Variants in DCAF5 observed in about 807,000 individuals in gnomAD.
DCAF5 encodes DDB1 and CUL4 associated factor 5, also known as DDB1- and CUL4-associated factor 5.
A neutral mutation model predicts 80.7 loss-of-function variants in DCAF5; 9 were observed. That is an observed-to-expected ratio of 0.11 (90% CI 0.07 to 0.19). DCAF5 has a LOEUF of 0.19. Ranked by LOEUF, DCAF5 falls within the 10% of genes least tolerant of loss-of-function variation. The pLI is 1.00. For synonymous variants in DCAF5, 433 were observed against 461.9 expected, an observed-to-expected ratio of 0.94 and a Z score of 0.80; for missense variants, 842 against 1,205.7, an observed-to-expected ratio of 0.70 and a Z score of 4.47.
Position 69,051,281 on chromosome 14 carries a change from A to G in DCAF5, c.*2576T>C, listed in dbSNP as rs17106714. On this transcript the variant is annotated 3_prime_UTR_variant, in exon 9 of 9. Transcript: ENST00000341516. ...ATCTGTCCTGCTATTAAAAATATCT[A>G]TTATGGAAGAAATTGGGTATTAAAT... is the stretch of plus-strand genomic sequence containing the variant. The G allele has an allele frequency of 0.051, 7,780 of 152,756 alleles. 297 individuals are homozygous for G. Among genetic ancestry groups the G allele is most frequent in the Admixed American group, 0.11 (1,711 of 15,302 alleles). 9.5% of individuals were successfully genotyped at this position (152,756 alleles called of 1,614,324 possible).
At chr14:69,119,273 G>C in intron 2 of DCAF5, 43 bp from the exon 3 acceptor site, 1 of 1,603,850 alleles carries the variant, frequency 6.2e-7, no homozygotes, top group African/African-American at 1.3e-5. Context: ...CGTGCAAGGT[G>C]GTCCCTGTCC....
At chr14:69,102,768 G>A (rs1595001598) in intron 5 of DCAF5, among the ~76,000 whole-genome samples, 1 of 151,922 alleles carries the variant, frequency 6.6e-6, no homozygotes. Flanking sequence ...CCTCCTGAAG[G>A]ACCTGCCTGA....
chr14:69,052,846 G>C lies in DCAF5; in HGVS notation c.*1011C>G, dbSNP rs2139813031. The C allele has an allele frequency of 6.6e-6, 1 of 152,354 alleles. No homozygotes were observed. The highest frequency in any genetic ancestry group is 1.9e-4 in the East Asian group (1 of 5,178). 9.4% of individuals were successfully genotyped at this position (152,354 alleles called of 1,614,324 possible). On this transcript the variant is annotated 3_prime_UTR_variant, in exon 9 of 9. Coordinates refer to ENST00000341516, the MANE Select transcript of DCAF5 (RefSeq NM_003861.3). ...CCACCAATTCTGACCAATGGTTCTG[G>C]GTTGAGTTAAATGAATATAGTACCA...
At chr14:69,113,697 G>T in intron 5 of DCAF5, among the ~76,000 whole-genome samples, 1 of 152,132 alleles carries the variant, frequency 6.6e-6, no homozygotes, top group Non-Finnish European at 1.5e-5. Flanking sequence ...AAAAAGGGTG[G>T]TCTCTTCCCC....
rs756266924 is a variant in DCAF5, at chr14:69,091,827, G to A, written c.726C>T (p.Asn242=). 5 of 1,614,140 alleles carry A rather than the reference G, an allele frequency of 3.1e-6. No homozygotes were observed. The Admixed American group carries it at 8.3e-5, about 27-fold the overall frequency. Residue 242 remains asparagine, a synonymous_variant, in exon 6 of 9, where the codon AAC becomes AAT. Transcript: ENST00000341516. ...SLQSAMSVRF[N]SNGTQLLALR... is the part of the protein sequence containing the mutation. ...GGGCCAGGAGCTGGGTCCCGTTGCT[G>A]TTGAATCGTACACTCATGGCACTTT... is the stretch of plus-strand genomic sequence containing the variant.
intron 1 of DCAF5, among the ~76,000 whole-genome samples, chr14:69,147,138 C>G (rs2041563036): frequency 6.6e-6 from 1 of 152,168 alleles, no homozygotes; most frequent in Non-Finnish European, 1.5e-5. Flanking sequence ...TTAATAGGTT[C>G]AAATTAAGCA....
intron 2 of DCAF5, among the ~76,000 whole-genome samples, chr14:69,120,455 A>G (rs1339285915): frequency 6.6e-6 from 1 of 152,172 alleles, no homozygotes; most frequent in African/African-American, 2.4e-5. Flanking sequence ...AAATGATGTG[A>G]AAGTTTTAAT....
rs1329600159 is a variant in DCAF5 at position 69,100,233 on chromosome 14, C to A, written c.666-8346G>T. On this transcript the variant is annotated intron_variant, in intron 5 of 8. Coordinates refer to ENST00000341516, the MANE Select transcript of DCAF5 (RefSeq NM_003861.3). ...TCATTTTATTTTCCAAGTTTTTCTACAATGAATATAAACTTCTATAATCAG... is the reference window on the plus strand; with the variant it reads ...TCATTTTATTTTCCAAGTTTTTCTAAAATGAATATAAACTTCTATAATCAG... Among the ~76,000 whole-genome samples, 8 of 152,230 alleles carry A rather than the reference C, an allele frequency of 5.3e-5. No individual in the cohort carries two copies. The East Asian group carries it at 1.4e-3, about 26-fold the overall frequency.
intron 5 of DCAF5, among the ~76,000 whole-genome samples, chr14:69,109,338 C>CAAA (rs199758443): frequency 3.0e-5 from 3 of 100,066 alleles, no homozygotes. Context: ...AACTCTGCCT[C>CAAA]AAAAAAAAAA....
At chr14:69,056,960 G>C (rs888310173) in intron 8 of DCAF5, among the ~76,000 whole-genome samples, 1 of 152,140 alleles carries the variant, frequency 6.6e-6, no homozygotes, top group African/African-American at 2.4e-5. Flanking sequence ...CTCCTCTCCA[G>C]CTTCATAATC....
chr14:69,108,345 G>T (rs992696575), intron 5 of DCAF5, among the ~76,000 whole-genome samples: 2 of 152,178 alleles, frequency 1.3e-5, no homozygotes, highest in Non-Finnish European at 2.9e-5. Flanking sequence ...ACATGAACAC[G>T]TAAAGAAAAA....
chr14:69,137,838 AATATT>A (rs754290015), intron 1 of DCAF5, among the ~76,000 whole-genome samples: 1 of 151,826 alleles, frequency 6.6e-6, no homozygotes, highest in Non-Finnish European at 1.5e-5. Flanking sequence ...ATTACAGTAT[AATATT>A]ATAATTGTTC....
intron 5 of DCAF5, among the ~76,000 whole-genome samples, chr14:69,095,626 T>C (rs939861926): frequency 7.9e-5 from 12 of 152,152 alleles, no homozygotes; most frequent in Admixed American, 6.5e-4. Context: ...TTTAAAAAAG[T>C]ACTTAGCCAA....
chr14:69,084,212 G>A (rs1277552408), intron 6 of DCAF5: 12 of 994,036 alleles, frequency 1.2e-5, no homozygotes, highest in South Asian at 1.0e-4. Context: ...GAGTCACCAC[G>A]TGCATACCTA....
At chr14:69,078,935 T>C (rs1031016296) in intron 6 of DCAF5, among the ~76,000 whole-genome samples, 19 of 152,144 alleles carry the variant, frequency 1.2e-4, no homozygotes, top group Non-Finnish European at 2.4e-4. Flanking sequence ...CAATCTCGGC[T>C]CACTGCAACC....
At chr14:69,143,553 C>CTT (rs562355110) in intron 1 of DCAF5, among the ~76,000 whole-genome samples, 7,354 of 102,054 alleles carry the variant, frequency 0.072, 398 homozygotes, top group African/African-American at 0.084. Context: ...ATCTGTTAAA[C>CTT]TTTTTTTTTT....
chr14:69,144,347 C>A (rs1240832018), intron 1 of DCAF5, among the ~76,000 whole-genome samples: 1 of 151,886 alleles, frequency 6.6e-6, no homozygotes, highest in African/African-American at 2.4e-5. Context: ...CCGAGGTGGG[C>A]GGATCACAAG....
At chr14:69,108,221 T>C (rs185474208) in intron 5 of DCAF5, among the ~76,000 whole-genome samples, 17 of 152,296 alleles carry the variant, frequency 1.1e-4, no homozygotes, top group African/African-American at 4.1e-4. Context: ...TGTGCCAAAA[T>C]AGTGCCAGGT....
At chr14:69,132,158 A>G (rs1446023758) in intron 1 of DCAF5, among the ~76,000 whole-genome samples, 3 of 152,196 alleles carry the variant, frequency 2.0e-5, no homozygotes, top group Admixed American at 2.0e-4. Flanking sequence ...GTATATAACC[A>G]GAAGTGAAAT....
Sources: allele counts gnomAD v4.1 joint callset (sites outside exome capture counted in the v4.1 genomes callset), GRCh38; gene constraint gnomAD v4.1.1; transcripts MANE v1.5; gene names NCBI Gene and HGNC (gene_info 2026-07-23, HGNC 2026-07-21).